The following DNAH14 variants were observed in gnomAD, a reference collection of about 807,000 sequenced individuals.
DNAH14 encodes axonemal beta dynein heavy chain 14.
A neutral mutation model predicts 520.9 loss-of-function variants in DNAH14; 478 were observed. That is an observed-to-expected ratio of 0.92 (90% CI 0.85 to 0.99). The LOEUF (loss-of-function observed/expected upper bound fraction) is 0.99, where lower values mean the gene tolerates loss of function less well. Among genes scored for constraint, DNAH14 ranks in the 50% least tolerant of loss-of-function variants. DNAH14 has a pLI of 0.00. For synonymous variants in DNAH14, 1,581 were observed against 1,757.2 expected (o/e 0.90, Z 2.51); for missense variants, 4,831 against 5,234.5 (o/e 0.92, Z 2.38).
chr1:225,096,764 A>C (rs905631021), intron 21 of DNAH14, among the ~76,000 whole-genome samples: 13 of 152,194 alleles, frequency 8.5e-5, no homozygotes, highest in Non-Finnish European at 1.5e-5. Flanking sequence ...GGACTGAAAT[A>C]ATATGCATAT....
At chr1:225,303,852 G>A (rs951296091) in intron 57 of DNAH14, among the ~76,000 whole-genome samples, 1 of 152,162 alleles carries the variant, frequency 6.6e-6, no homozygotes, top group Non-Finnish European at 1.5e-5. Context: ...CAGCAAAGGG[G>A]GTAAGAAGTG....
intron 27 of DNAH14, among the ~76,000 whole-genome samples, chr1:225,130,828 A>G (rs1052739130): frequency 2.8e-5 from 4 of 140,870 alleles, no homozygotes; most frequent in South Asian, 4.6e-4. Context: ...AATAATAATA[A>G]TAATAAAATA....
At chr1:225,234,089 G>A (rs1367927876) in intron 42 of DNAH14, among the ~76,000 whole-genome samples, 1 of 152,172 alleles carries the variant, frequency 6.6e-6, no homozygotes, top group African/African-American at 2.4e-5. Flanking sequence ...TCAAAGATCA[G>A]ATGGTTGTAG....
intron 42 of DNAH14, among the ~76,000 whole-genome samples, chr1:225,233,103 C>T (rs1478148923): frequency 2.6e-5 from 4 of 152,148 alleles, no homozygotes; most frequent in African/African-American, 9.7e-5. Context: ...TAAGGGCTTC[C>T]AGCTCCAACC....
intron 8 of DNAH14, among the ~76,000 whole-genome samples, chr1:224,978,959 G>A (rs2062059478): frequency 1.3e-5 from 2 of 152,110 alleles, no homozygotes; most frequent in African/African-American, 4.8e-5. Flanking sequence ...AGAGGATATT[G>A]AATGTTATCA....
At chr1:225,089,442 C>CAAAAAAAAAA in intron 21 of DNAH14, among the ~76,000 whole-genome samples, 1 of 29,892 alleles carries the variant, frequency 3.3e-5, no homozygotes, top group Non-Finnish European at 6.3e-5. Flanking sequence ...AAAACTCCGT[C>CAAAAAAAAAA]AAAAAAAAAA....
chr1:225,289,952 T>A lies in DNAH14; in HGVS notation c.8339T>A (p.Leu2780Gln), dbSNP rs1231508002. 1 of 1,536,254 alleles carries A rather than the reference T, an allele frequency of 6.5e-7. No homozygotes were observed. Among genetic ancestry groups the A allele is most frequent in the Non-Finnish European group, 8.8e-7 (1 of 1,139,378 alleles). The change falls in exon 55 of 86, where the codon CTA (leucine) becomes CAA (glutamine). Residue 2780 changes from leucine (L) to glutamine (Q), a missense_variant. Leu to Gln is a moderately radical substitution (Grantham distance 113). Transcript: ENST00000682510. ...GCCTGTTATTTGACAGATAATAAAC[T>A]ATACCGAGTGCCTATATCTCACAAA... ...TLACYLTDNKLYRVPISHKCA... is the reference protein window; with the variant it reads ...TLACYLTDNKQYRVPISHKCA...
intron 33 of DNAH14, 93 bp from the exon 34 acceptor site, chr1:225,153,657 G>C: frequency 1.2e-6 from 1 of 838,182 alleles, no homozygotes; most frequent in South Asian, 1.9e-5. Context: ...GCAGAGCATA[G>C]ATTACCTGTA....
Position 225,324,789 on chromosome 1 carries a change from T to G in DNAH14, c.9680T>G (p.Ile3227Ser). The part of the protein sequence containing the change: ...QVAEAQNVLK[I>S]ARQRLAEKQR... ...GCTGAAGCTCAAAACGTCCTTAAAA[T>G]TGCGCGACAAAGACTTGCTGAGAAA... Residue 3227 changes from isoleucine (I) to serine (S), a missense_variant, in exon 64 of 86, where the codon ATT becomes AGT. Physicochemically the swap from Ile to Ser is moderately radical, Grantham distance 142 (BLOSUM62 -2). Coordinates refer to ENST00000682510, the MANE Select transcript of DNAH14 (RefSeq NM_001367479.1). 1 of 1,551,482 alleles carries G rather than the reference T, an allele frequency of 6.4e-7. No individual in the cohort carries two copies. The highest frequency in any genetic ancestry group is 8.7e-7 in the Non-Finnish European group (1 of 1,146,924).
intron 36 of DNAH14, among the ~76,000 whole-genome samples, chr1:225,179,462 A>T (rs1472070567): frequency 1.3e-5 from 2 of 152,202 alleles, no homozygotes; most frequent in East Asian, 3.9e-4. Flanking sequence ...AACTTTAATC[A>T]CAACGAAAAG....
Position 225,399,197 on chromosome 1 carries a change from A to G in DNAH14, c.13782A>G (p.Leu4594=), listed in dbSNP as rs2096065514. The change falls in exon 86 of 86, where the codon TTA becomes TTG. Residue 4594 remains leucine (L), a synonymous_variant. Coordinates refer to ENST00000682510, the MANE Select transcript of DNAH14 (RefSeq NM_001367479.1). ...LPTNFLTSVY[L]STKKPPSHWI... is the part of the protein sequence containing the mutation. ...CAAACTTTTTAACATCAGTGTATTT[A>G]TCAACGAAGAAACCTCCTAGTCACT... is the stretch of plus-strand genomic sequence containing the variant. 1 of 1,551,778 alleles carries G rather than the reference A, an allele frequency of 6.4e-7. No individual in the cohort carries two copies. The highest frequency in any genetic ancestry group is 1.7e-4 in the Middle Eastern group (1 of 5,994).
rs920062086 is a variant in DNAH14, at chr1:225,159,303, T to C, written c.5274-11T>C. ...TTTGTTCTCTGTGTTTGTTTTCTTC[T>C]ACCATTGAAGTGATACCAGTGACAG... On this transcript the variant is annotated splice_polypyrimidine_tract_variant and intron_variant, in intron 34 of 85. Coordinates refer to ENST00000682510, the MANE Select transcript of DNAH14 (RefSeq NM_001367479.1). 8 of 1,548,530 alleles carry C rather than the reference T, an allele frequency of 5.2e-6. No homozygotes were observed. Among genetic ancestry groups the C allele is most frequent in the Non-Finnish European group, 7.0e-6 (8 of 1,145,386 alleles).
chr1:225,301,709 G>A (rs558569910), intron 56 of DNAH14, among the ~76,000 whole-genome samples: 1 of 152,174 alleles, frequency 6.6e-6, no homozygotes, highest in South Asian at 2.1e-4. Context: ...GTCTATCATA[G>A]GGCAATTTAA....
At chr1:225,168,063 C>A in intron 36 of DNAH14, 35 bp downstream of exon 36, 2 of 1,192,942 alleles carry the variant, frequency 1.7e-6, no homozygotes, top group South Asian at 1.4e-5. Context: ...AATCCTTTGC[C>A]TGTATTTCAA....
chr1:225,375,501 G>A (rs2095686155), intron 78 of DNAH14, among the ~76,000 whole-genome samples: 1 of 152,214 alleles, frequency 6.6e-6, no homozygotes, highest in East Asian at 1.9e-4. Context: ...ACAGCTGTGG[G>A]TGATCATTGT....
At chr1:225,032,624 A>G (rs1022407592) in intron 11 of DNAH14, among the ~76,000 whole-genome samples, 2 of 152,140 alleles carry the variant, frequency 1.3e-5, no homozygotes, top group African/African-American at 4.8e-5. Context: ...GTCGAATGGT[A>G]GTTCTCCTTT....
At chr1:225,111,743 G>T (rs766239024) in intron 23 of DNAH14, among the ~76,000 whole-genome samples, 1 of 151,618 alleles carries the variant, frequency 6.6e-6, no homozygotes, top group Non-Finnish European at 1.5e-5. Context: ...TTTAGTAAAG[G>T]TGATTTTCTT....
At chr1:225,147,315 T>G (rs2080044560) in intron 31 of DNAH14, 66 bp downstream of exon 31, 1 of 1,373,544 alleles carries the variant, frequency 7.3e-7, no homozygotes, top group South Asian at 1.9e-5. Context: ...TTTAGTTAAT[T>G]ATTGTTAAAT....
intron 36 of DNAH14, among the ~76,000 whole-genome samples, chr1:225,182,890 A>C (rs905451922): frequency 1.3e-5 from 2 of 152,246 alleles, no homozygotes; most frequent in South Asian, 4.2e-4. Flanking sequence ...GTCCCAAATA[A>C]AATTCTGTGG....
Sources: allele counts gnomAD v4.1 joint callset (sites outside exome capture counted in the v4.1 genomes callset), GRCh38; gene constraint gnomAD v4.1.1; transcripts MANE v1.5; gene names NCBI Gene and HGNC (gene_info 2026-07-23, HGNC 2026-07-21).